Variants in EXOC1 observed in about 807,000 individuals in gnomAD.
The protein encoded by EXOC1 is exocyst complex component 1.
In EXOC1, 67 loss-of-function variants were observed where a neutral mutation model predicts 107.7. The ratio of observed to expected loss-of-function variants is 0.62; its 90% CI spans 0.51 to 0.76. The LOEUF (loss-of-function observed/expected upper bound fraction) is 0.76. Among genes scored for constraint, EXOC1 ranks in the 30% least tolerant of loss-of-function variants. EXOC1 has a pLI of 0.00. For synonymous variants in EXOC1, 348 were observed against 353.5 expected, an observed-to-expected ratio of 0.98 and a Z score of 0.17; for missense variants, 833 against 1,055.7, an observed-to-expected ratio of 0.79 and a Z score of 2.92.
intron 13 of EXOC1, 58 bp downstream of exon 13, chr4:55,891,480 T>G: frequency 8.8e-7 from 1 of 1,137,152 alleles, no homozygotes; most frequent in African/African-American, 1.6e-5. Flanking sequence ...ATTAGCTTAA[T>G]TAATATGTGG....
intron 4 of EXOC1, among the ~76,000 whole-genome samples, chr4:55,864,854 T>C (rs1388262240): frequency 6.6e-6 from 1 of 152,230 alleles, no homozygotes; most frequent in Non-Finnish European, 1.5e-5. Context: ...TTTAAACAGC[T>C]CTGGGATAAA....
At chr4:55,876,756 G>A (rs1722935831) in intron 8 of EXOC1, 1 of 985,238 alleles carries the variant, frequency 1.0e-6, no homozygotes, top group South Asian at 4.7e-5. Context: ...ATGAATCTGA[G>A]AAGTGTATTG....
In EXOC1 at chr4:55,871,773, A is replaced by G. The variant is rs1722464819; in HGVS notation, c.965-76A>G. ...TTTTGGGTTCTTCAAAACGTTAGAT[A>G]CGTTTAATGTTCCATTAAACATCAA... On this transcript the variant is annotated intron_variant, in intron 7 of 18. Coordinates refer to ENST00000381295, the MANE Select transcript of EXOC1 (RefSeq NM_001024924.2). The G allele has an allele frequency of 2.3e-6, 3 of 1,323,384 alleles. No individual in the cohort carries two copies. In the Admixed American group the frequency reaches 6.2e-5, roughly 28 times the overall value. The allele number at this position is 1,323,384 out of a possible 1,614,324, so 82.0% of individuals were successfully genotyped here. A position where few individuals can be genotyped will look rare whatever the true frequency, so the allele number is the denominator to read the frequency against.
At chr4:55,897,817 T>C (rs1017906817) in intron 16 of EXOC1, among the ~76,000 whole-genome samples, 2 of 152,212 alleles carry the variant, frequency 1.3e-5, no homozygotes, top group African/African-American at 2.4e-5. Context: ...GGTTTCACCA[T>C]GTTGGCCAGA....
chr4:55,888,988 A>G (rs1282661340), intron 11 of EXOC1, 56 bp downstream of exon 11: 3 of 1,578,062 alleles, frequency 1.9e-6, no homozygotes, highest in East Asian at 2.2e-5. Context: ...TTTAATGTCT[A>G]GAAATTAGTT....
chr4:55,870,738 G>C lies in EXOC1; in HGVS notation c.664G>C (p.Asp222His), dbSNP rs377516805. 2 of 1,613,780 alleles carry C rather than the reference G, an allele frequency of 1.2e-6. No individual in the cohort carries two copies. Among genetic ancestry groups the C allele is most frequent in the Non-Finnish European group, 1.7e-6 (2 of 1,179,922 alleles). Residue 222 changes from aspartate to histidine, a missense_variant, in exon 6 of 19, where the codon GAT (aspartate) becomes CAT (histidine). Physicochemically the swap from Asp to His is moderately conservative, Grantham distance 81. This residue lies in a region of EXOC1 where 617 missense variants were observed against 701.3 expected (regional missense o/e 0.88). Coordinates refer to ENST00000381295, the MANE Select transcript of EXOC1 (RefSeq NM_001024924.2). Reference protein sequence around the residue: ...KQVNILMKLLDEALKEVDQIE... With the variant: ...KQVNILMKLLHEALKEVDQIE... ...AGTCAACATCCTGATGAAATTGCTA[G>C]ATGAGGCTCTAAAGGAGGTAGATCA...
At chr4:55,893,013 G>C (rs1239934542) in intron 14 of EXOC1, among the ~76,000 whole-genome samples, 1 of 152,108 alleles carries the variant, frequency 6.6e-6, no homozygotes, top group Non-Finnish European at 1.5e-5. Context: ...TCATGACCCA[G>C]CTTTACAAAT....
At chr4:55,898,218 C>T (rs992868293) in intron 16 of EXOC1, among the ~76,000 whole-genome samples, 2 of 152,182 alleles carry the variant, frequency 1.3e-5, no homozygotes, top group African/African-American at 4.8e-5. Context: ...GTTCATGCTA[C>T]TGCACTCTAG....
At chr4:55,874,060 G>C (rs747237404) in intron 8 of EXOC1, among the ~76,000 whole-genome samples, 1 of 152,168 alleles carries the variant, frequency 6.6e-6, no homozygotes, top group South Asian at 2.1e-4. Flanking sequence ...ACTGTGGACT[G>C]TAAGTGCTAA....
intron 15 of EXOC1, among the ~76,000 whole-genome samples, chr4:55,896,509 T>A (rs994079544): frequency 6.6e-6 from 1 of 152,230 alleles, no homozygotes; most frequent in Non-Finnish European, 1.5e-5. Flanking sequence ...ATGGTTTTAT[T>A]ATCTATAGAA....
At chr4:55,855,588 C>T (rs1720883937) in intron 1 of EXOC1, among the ~76,000 whole-genome samples, 1 of 151,944 alleles carries the variant, frequency 6.6e-6, no homozygotes, top group East Asian at 1.9e-4. Context: ...TCATAAATGC[C>T]GTATTTATGA....
intron 8 of EXOC1, among the ~76,000 whole-genome samples, chr4:55,873,456 C>T (rs960256024): frequency 2.0e-5 from 3 of 152,134 alleles, no homozygotes; most frequent in Non-Finnish European, 4.4e-5. Flanking sequence ...AAAAATGACA[C>T]TGTTGACAAT....
chr4:55,865,795 A>G (rs1212230592), intron 4 of EXOC1, among the ~76,000 whole-genome samples: 1 of 152,022 alleles, frequency 6.6e-6, no homozygotes, highest in Non-Finnish European at 1.5e-5. Flanking sequence ...TGAGAAGAGT[A>G]TTACTGTTTT....
At chr4:55,864,110 G>A in intron 3 of EXOC1, 117 bp from the exon 4 acceptor site, 1 of 662,238 alleles carries the variant, frequency 1.5e-6, no homozygotes, top group South Asian at 2.6e-5. Context: ...CAGTTGCTTA[G>A]CTGATTTTTA....
Position 55,892,646 on chromosome 4 carries a change from G to A in EXOC1, c.1659G>A (p.Glu553=). 1 of 1,614,060 alleles carries A rather than the reference G, an allele frequency of 6.2e-7. No homozygotes were observed. ...AATAATTTTTGCAGGCTGAAGCAGA[G>A]GACCTGGATGGAGGAACATTATCAC... ...QSMPGTMAEA[E]DLDGGTLSRQ... Residue 553 remains glutamate, a synonymous_variant, in exon 14 of 19, where the codon GAG becomes GAA. Transcript: ENST00000381295.
At chr4:55,875,805 C>T (rs1195263528) in intron 8 of EXOC1, 1 of 984,520 alleles carries the variant, frequency 1.0e-6, no homozygotes, top group African/African-American at 1.7e-5. Flanking sequence ...TGGCTCACAC[C>T]TGTAATTCCA....
In EXOC1 at chr4:55,901,653, GA is replaced by G. The variant is rs1412641319; in HGVS notation, c.2338-689del. Among the ~76,000 whole-genome samples, 6 of 152,104 alleles carry G rather than the reference GA, an allele frequency of 3.9e-5. No homozygotes were observed. In the South Asian group the frequency reaches 1.2e-3, roughly 32 times the overall value. ...CAGGTTAACCTTATTTATAGCCAAA[GA>G]ATTATAAAATAAAATGACAAACTTT... On this transcript the variant is annotated intron_variant, in intron 17 of 18. Coordinates refer to ENST00000381295, the MANE Select transcript of EXOC1 (RefSeq NM_001024924.2).
At chr4:55,898,002 T>A (rs1255260454) in intron 16 of EXOC1, among the ~76,000 whole-genome samples, 1 of 152,194 alleles carries the variant, frequency 6.6e-6, no homozygotes, top group African/African-American at 2.4e-5. Flanking sequence ...ACACCTGTAA[T>A]CGCAGCACTT....
At chr4:55,869,558 G>A (rs1310170604) in intron 5 of EXOC1, among the ~76,000 whole-genome samples, 1 of 152,154 alleles carries the variant, frequency 6.6e-6, no homozygotes, top group Non-Finnish European at 1.5e-5. Flanking sequence ...TATGGGGTCT[G>A]ACTCAGGCCC....
Sources: allele counts gnomAD v4.1 joint callset (sites outside exome capture counted in the v4.1 genomes callset), GRCh38; gene constraint gnomAD v4.1.1; regional missense constraint gnomAD v4.1.1; transcripts MANE v1.5; gene names NCBI Gene and HGNC (gene_info 2026-07-23, HGNC 2026-07-21).